SEMA5B: variants seen among roughly 807,000 people sequenced by gnomAD.
SEMA5B encodes the protein semaphorin 5B, also known as semaphorin-5B.
In SEMA5B, 66 loss-of-function variants were observed where a neutral mutation model predicts 135.0. The ratio of observed to expected loss-of-function variants is 0.49; its 90% CI spans 0.40 to 0.60. SEMA5B has a LOEUF of 0.60. Ranked by LOEUF, SEMA5B falls within the 20% of genes least tolerant of loss-of-function variation. The pLI, the probability that SEMA5B is intolerant of heterozygous loss-of-function variation, is 0.00. For synonymous variants in SEMA5B, 690 were observed against 639.5 expected (o/e 1.08, Z -1.19); for missense variants, 1,501 against 1,566.3 (o/e 0.96, Z 0.70).
chr3:122,995,557 C>T (rs935874062), intron 1 of SEMA5B, among the ~76,000 whole-genome samples: 1 of 152,126 alleles, frequency 6.6e-6, no homozygotes, highest in Non-Finnish European at 1.5e-5. Context: ...TCCTGAAGCA[C>T]CCCCCAGCAT....
chr3:122,969,146 C>T (rs1941006940), intron 1 of SEMA5B, among the ~76,000 whole-genome samples: 1 of 152,192 alleles, frequency 6.6e-6, no homozygotes, highest in Non-Finnish European at 1.5e-5. Flanking sequence ...ATAAAATAAG[C>T]TTTACTGCCT....
rs148933253 is a variant in SEMA5B at position 123,013,938 on chromosome 3, C to T, written c.-39+13526G>A. 2.5e-3 allele frequency among the ~76,000 whole-genome samples: 387 copies of T among 152,316 alleles called. 2 individuals carry two copies. The highest frequency in any genetic ancestry group is 8.8e-3 in the African/African-American group (367 of 41,562). Reference sequence around the variant, plus strand: ...TGTCTCCAGCTTGGCTTCTGTCTTCCCCATTCCACAGGAAGGAAACGGTGA... The same window carrying T: ...TGTCTCCAGCTTGGCTTCTGTCTTCTCCATTCCACAGGAAGGAAACGGTGA... On this transcript the variant is annotated intron_variant, in intron 1 of 22. Coordinates refer to ENST00000357599, the MANE Select transcript of SEMA5B (RefSeq NM_001031702.4).
At chr3:122,917,073 C>A (rs1424018438) in intron 12 of SEMA5B, among the ~76,000 whole-genome samples, 1 of 152,206 alleles carries the variant, frequency 6.6e-6, no homozygotes, top group African/African-American at 2.4e-5. Context: ...TGGAATCAGG[C>A]TTTGCTATCC....
chr3:122,966,557 A>C (rs1241691612), intron 1 of SEMA5B, among the ~76,000 whole-genome samples: 1 of 139,468 alleles, frequency 7.2e-6, no homozygotes, highest in African/African-American at 3.2e-5. Context: ...TATTATTATT[A>C]TTATTATTAT....
At chr3:122,987,183 G>A (rs1481503237) in intron 1 of SEMA5B, among the ~76,000 whole-genome samples, 1 of 152,144 alleles carries the variant, frequency 6.6e-6, no homozygotes, top group Non-Finnish European at 1.5e-5. Flanking sequence ...GGGAGAGAGA[G>A]AGAGAGAGAT....
At chr3:122,983,716 CAAAAAAAAAAAAAAAAAAAAAA>C (rs57975297) in intron 1 of SEMA5B, among the ~76,000 whole-genome samples, 13 of 53,430 alleles carry the variant, frequency 2.4e-4, no homozygotes, top group African/African-American at 3.7e-4. Context: ...AGACTCGTCT[CAAAAAAAAAAAAAAAAAAAAAA>C]AAAAAAAAAA....
At chr3:123,026,094 C>A (rs1444816) in intron 1 of SEMA5B, among the ~76,000 whole-genome samples, 2 of 151,996 alleles carry the variant, frequency 1.3e-5, no homozygotes, top group African/African-American at 2.4e-5. Flanking sequence ...AGAGAGGCCC[C>A]GAGGCCGAAG....
chr3:123,012,326 CT>C (rs1560444482), intron 1 of SEMA5B, among the ~76,000 whole-genome samples: 1 of 152,192 alleles, frequency 6.6e-6, no homozygotes, highest in African/African-American at 2.4e-5. Context: ...CTTATGCCTT[CT>C]CCCCCATGTT....
intron 1 of SEMA5B, among the ~76,000 whole-genome samples, chr3:123,011,031 A>T (rs1942428715): frequency 6.6e-6 from 1 of 152,096 alleles, no homozygotes; most frequent in South Asian, 2.1e-4. Flanking sequence ...GCCTACTCTC[A>T]AGTGGATAGG....
At chr3:122,992,399 C>T (rs895060574) in intron 1 of SEMA5B, among the ~76,000 whole-genome samples, 12 of 152,194 alleles carry the variant, frequency 7.9e-5, no homozygotes, top group African/African-American at 2.7e-4. Context: ...GCATTCTGTG[C>T]CCTTCACCTA....
intron 1 of SEMA5B, among the ~76,000 whole-genome samples, chr3:123,024,417 C>T (rs1942754660): frequency 6.6e-6 from 1 of 152,178 alleles, no homozygotes. Flanking sequence ...CCTATTGCTA[C>T]ATTAGATGAA....
intron 1 of SEMA5B, among the ~76,000 whole-genome samples, chr3:123,014,355 C>T (rs1260057638): frequency 2.6e-5 from 4 of 152,186 alleles, no homozygotes; most frequent in Admixed American, 2.0e-4. Flanking sequence ...TCAGGCAAAG[C>T]GCATCTCCTC....
At chr3:122,972,524 C>A (rs1420286198) in intron 1 of SEMA5B, among the ~76,000 whole-genome samples, 1 of 152,182 alleles carries the variant, frequency 6.6e-6, no homozygotes, top group Non-Finnish European at 1.5e-5. Flanking sequence ...TTGAATCACA[C>A]CCTGTTTTGC....
intron 1 of SEMA5B, among the ~76,000 whole-genome samples, chr3:123,022,422 A>G (rs1360245171): frequency 6.6e-6 from 1 of 152,274 alleles, no homozygotes; most frequent in Non-Finnish European, 1.5e-5. Flanking sequence ...TAAACGCAGA[A>G]CAATGAGGAC....
chr3:122,991,398 C>T (rs1941873094), intron 1 of SEMA5B, among the ~76,000 whole-genome samples: 1 of 152,108 alleles, frequency 6.6e-6, no homozygotes, highest in South Asian at 2.1e-4. Flanking sequence ...AGTTCTCAGC[C>T]AGGAGTAATT....
chr3:122,994,004 C>A (rs1361168738), intron 1 of SEMA5B, among the ~76,000 whole-genome samples: 1 of 152,098 alleles, frequency 6.6e-6, no homozygotes, highest in African/African-American at 2.4e-5. Context: ...AGCCTCTCCC[C>A]ACCTGGCCCC....
At chr3:122,929,717 A>G (rs1938856944) in intron 5 of SEMA5B, among the ~76,000 whole-genome samples, 1 of 151,676 alleles carries the variant, frequency 6.6e-6, no homozygotes, top group African/African-American at 2.4e-5. Flanking sequence ...TCCCACCCCC[A>G]CTGTCTGCAC....
At chr3:122,940,720 C>G (rs911121838) in intron 4 of SEMA5B, among the ~76,000 whole-genome samples, 8 of 152,202 alleles carry the variant, frequency 5.3e-5, no homozygotes. Flanking sequence ...CAGGCCCAGG[C>G]CCCACTCATC....
rs560823334 is a variant in SEMA5B, at chr3:122,924,349, T to C, written c.1137-597A>G. Among the ~76,000 whole-genome samples the C allele has an allele frequency of 1.2e-4, 19 of 152,286 alleles. No individual in the cohort carries two copies. The South Asian group carries it at 3.7e-3, about 30-fold the overall frequency. On this transcript the variant is annotated intron_variant, in intron 9 of 22. Coordinates refer to ENST00000357599, the MANE Select transcript of SEMA5B (RefSeq NM_001031702.4). ...ATACCAAACGCCTCCAGTTATATTC[T>C]TCGCATTTAGTTCTTCTCCCAAATG...
Sources: gnomAD v4.1 joint callset for allele counts (sites outside exome capture counted in the v4.1 genomes callset) on GRCh38, gnomAD v4.1.1 for gene constraint, MANE v1.5 for transcripts, NCBI Gene and HGNC (gene_info 2026-07-23, HGNC 2026-07-21) for gene names.